Variants in KLRF1 observed in about 807,000 individuals in gnomAD.
The protein encoded by KLRF1 is killer cell lectin like receptor F1, also known as killer cell lectin-like receptor subfamily F member 1.
Under a neutral mutation model 30.7 loss-of-function variants are expected in KLRF1, and 27 were observed. That is an observed-to-expected ratio of 0.88 (90% CI 0.65 to 1.21). KLRF1 has a LOEUF of 1.21. Among genes scored for constraint, KLRF1 ranks in the 50% most tolerant of loss-of-function variants. The probability of loss-of-function intolerance (pLI) is 0.00; values close to 1 mark genes in which losing one functional copy is unlikely to be tolerated. For missense variants in KLRF1, 246 were observed against 259.3 expected, an observed-to-expected ratio of 0.95 and a Z score of 0.35; for synonymous variants, 92 against 89.3, an observed-to-expected ratio of 1.03 and a Z score of -0.17.
chr12:9,842,758 TGTG>T (rs770954262), intron 5 of KLRF1, among the ~76,000 whole-genome samples: 16 of 152,124 alleles, frequency 1.1e-4, no homozygotes, highest in Non-Finnish European at 1.6e-4. Flanking sequence ...GTGCATTTTT[TGTG>T]TTATGTGATT....
intron 3 of KLRF1, among the ~76,000 whole-genome samples, chr12:9,841,484 A>G (rs1040556949): frequency 2.0e-5 from 3 of 152,120 alleles, no homozygotes; most frequent in African/African-American, 7.2e-5. Flanking sequence ...CTTTGTGTGG[A>G]TAAATTCTAA....
chr12:9,843,560 G>C (rs182746708), intron 5 of KLRF1, among the ~76,000 whole-genome samples: 24 of 152,122 alleles, frequency 1.6e-4, no homozygotes, highest in Admixed American at 5.9e-4. Context: ...TAAAATTATG[G>C]ATGTGTGTCA....
chr12:9,819,025 A>C, the KLRF1 span, among the ~76,000 whole-genome samples: 1 of 152,148 alleles, frequency 6.6e-6, no homozygotes, highest in Non-Finnish European at 1.5e-5. Flanking sequence ...AGCCTTCCCC[A>C]CCCAGGGAAG....
At chr12:9,818,086 G>A in the KLRF1 span, 1 of 201,446 alleles carries the variant, frequency 5.0e-6, no homozygotes, top group Admixed American at 4.7e-5. Context: ...CAACACTCCA[G>A]ACTCTCATCG....
chr12:9,819,264 C>G, the KLRF1 span, among the ~76,000 whole-genome samples: 1 of 152,120 alleles, frequency 6.6e-6, no homozygotes, highest in East Asian at 1.9e-4. Context: ...CTCTACATCC[C>G]TAGGAAAGGG....
chr12:9,832,383 C>T lies in KLRF1; in HGVS notation c.153C>T (p.Leu51=), dbSNP rs1565505216. 12 of 1,607,838 alleles carry T rather than the reference C, an allele frequency of 7.5e-6. No homozygotes were observed. Among genetic ancestry groups the T allele is most frequent in the Admixed American group, 5.0e-5 (3 of 59,896 alleles). Residue 51 remains leucine, a synonymous_variant, in exon 2 of 6, where the codon CTC becomes CTT. Coordinates refer to ENST00000617889, the MANE Select transcript of KLRF1 (RefSeq NM_016523.3). ...TATCTGGAACCGTGAATGGTATTCT[C>T]ACTTTGACTTTGATCTCCTTGATCC... ...LGISGTVNGI[L]TLTLISLILL...
intron 3 of KLRF1, among the ~76,000 whole-genome samples, chr12:9,838,803 G>T (rs1167002439): frequency 6.6e-6 from 1 of 152,116 alleles, no homozygotes; most frequent in Non-Finnish European, 1.5e-5. Context: ...TTGGATAATT[G>T]CTTTAATGAA....
intron 3 of KLRF1, among the ~76,000 whole-genome samples, chr12:9,840,892 A>C (rs1188275571): frequency 6.6e-6 from 1 of 152,088 alleles, no homozygotes; most frequent in Non-Finnish European, 1.5e-5. Flanking sequence ...ACTGTGTGGC[A>C]ATTCCTCAAA....
At chr12:9,823,250 A>G (rs1035925807), upstream of KLRF1, among the ~76,000 whole-genome samples, 1 of 151,936 alleles carries the variant, frequency 6.6e-6, no homozygotes, top group Admixed American at 6.5e-5. Context: ...AAACTCAAAA[A>G]CCAAAAAACA....
At chr12:9,814,848 ATG>A in the KLRF1 span, among the ~76,000 whole-genome samples, 30 of 141,254 alleles carry the variant, frequency 2.1e-4, no homozygotes, top group East Asian at 4.5e-4. Context: ...GCTGTGAAGG[ATG>A]TGTGTGTGTG....
chr12:9,805,340 G>A, the KLRF1 span, among the ~76,000 whole-genome samples: 1 of 151,798 alleles, frequency 6.6e-6, no homozygotes, highest in Non-Finnish European at 1.5e-5. Flanking sequence ...TCTGTCTCAC[G>A]TGACAGAAGG....
At chr12:9,842,486 T>A in intron 5 of KLRF1, 53 bp downstream of exon 5, 2 of 1,526,564 alleles carry the variant, frequency 1.3e-6, no homozygotes, top group Non-Finnish European at 1.8e-6. Flanking sequence ...AGAATATGTC[T>A]CCTCCAGGTT....
upstream of KLRF1, among the ~76,000 whole-genome samples, chr12:9,826,079 G>GAATT (rs1181587195): frequency 2.0e-5 from 3 of 152,002 alleles, no homozygotes; most frequent in African/African-American, 7.2e-5. Context: ...TTTTCTCCTT[G>GAATT]AATTAATAGT....
At chr12:9,823,924 C>T (rs1476217824), upstream of KLRF1, among the ~76,000 whole-genome samples, 1 of 151,990 alleles carries the variant, frequency 6.6e-6, no homozygotes, top group African/African-American at 2.4e-5. Flanking sequence ...CTCCCAACAC[C>T]GAACCAGGGG....
chr12:9,826,532 C>A (rs1001536507), upstream of KLRF1, among the ~76,000 whole-genome samples: 7 of 151,894 alleles, frequency 4.6e-5, no homozygotes, highest in African/African-American at 1.5e-4. Flanking sequence ...TGGTATATAC[C>A]CAAAGGAATA....
intron 3 of KLRF1, among the ~76,000 whole-genome samples, chr12:9,837,366 A>G (rs972830246): frequency 1.3e-5 from 2 of 151,532 alleles, no homozygotes; most frequent in Non-Finnish European, 2.9e-5. Flanking sequence ...CTATAAATAC[A>G]TATATATTTA....
At chr12:9,804,177 A>G in the KLRF1 span, among the ~76,000 whole-genome samples, 1 of 151,572 alleles carries the variant, frequency 6.6e-6, no homozygotes, top group African/African-American at 2.4e-5. Flanking sequence ...TGTTTCTTTA[A>G]TAACTATGTT....
the KLRF1 span, among the ~76,000 whole-genome samples, chr12:9,814,110 G>C: frequency 6.6e-6 from 1 of 152,128 alleles, no homozygotes; most frequent in Non-Finnish European, 1.5e-5. Context: ...GGTGCCAGCC[G>C]TGTGGCTGGG....
intron 1 of KLRF1, among the ~76,000 whole-genome samples, chr12:9,830,838 T>G (rs1219701697): frequency 6.6e-6 from 1 of 152,032 alleles, no homozygotes; most frequent in East Asian, 1.9e-4. Flanking sequence ...TTTTGGGTGG[T>G]TAAAAGGCTT....
Sources: gnomAD v4.1 joint callset for allele counts (sites outside exome capture counted in the v4.1 genomes callset) on GRCh38, gnomAD v4.1.1 for gene constraint, MANE v1.5 for transcripts, NCBI Gene and HGNC (gene_info 2026-07-23, HGNC 2026-07-21) for gene names.